The following OR9Q1 variants were observed in gnomAD, a reference collection of about 807,000 sequenced individuals.
OR9Q1 encodes the protein olfactory receptor family 9 subfamily Q member 1.
For missense variants in OR9Q1, 374 were observed against 378.8 expected, an observed-to-expected ratio of 0.99 and a Z score of 0.11; for synonymous variants, 153 against 148.6, an observed-to-expected ratio of 1.03 and a Z score of -0.22.
chr11:58,087,525 A>G (rs1853645124), intron 2 of OR9Q1, among the ~76,000 whole-genome samples: 1 of 151,920 alleles, frequency 6.6e-6, no homozygotes, highest in Non-Finnish European at 1.5e-5. Context: ...ATATTTTGTT[A>G]AATGAAACGA....
At chr11:58,145,294 A>C (rs12577581) in intron 2 of OR9Q1, 1 of 152,332 alleles carries the variant, frequency 6.6e-6, no homozygotes, top group African/African-American at 2.4e-5. Flanking sequence ...GAGGAAGACA[A>C]GATCGTGTCA....
intron 1 of OR9Q1, among the ~76,000 whole-genome samples, chr11:58,032,657 A>T (rs1853054304): frequency 6.6e-6 from 1 of 152,168 alleles, no homozygotes; most frequent in African/African-American, 2.4e-5. Context: ...ACTATAAAAA[A>T]ATCCTGGAAG....
At position 58,179,763 on chromosome 11, in the gene OR9Q1, T is replaced by G. The variant is rs147443245; in HGVS notation, c.319T>G (p.Phe107Val). 6.1e-5 allele frequency: 99 copies of G among 1,614,238 alleles called. No homozygotes were observed. In the African/African-American group the frequency reaches 1.2e-3, roughly 20 times the overall value. Residue 107 changes from phenylalanine (F) to valine (V), a missense_variant, in exon 3 of 3, where the codon TTT becomes GTT. Coordinates refer to ENST00000335397, the MANE Select transcript of OR9Q1 (RefSeq NM_001005212.4). Reference sequence around the variant, plus strand: ...TGCTCAGTTCTTTCTGTTCACCTTCTTTGGTTCCATCGACTGCTACCTCTT... The same window carrying G: ...TGCTCAGTTCTTTCTGTTCACCTTCGTTGGTTCCATCGACTGCTACCTCTT... The part of the protein sequence containing the change: ...CAAQFFLFTF[F>V]GSIDCYLLAL...
At chr11:58,116,312 G>A (rs866741950) in intron 2 of OR9Q1, among the ~76,000 whole-genome samples, 1 of 152,312 alleles carries the variant, frequency 6.6e-6, no homozygotes, top group Middle Eastern at 3.4e-3. Flanking sequence ...AATGCTTCAT[G>A]AACATTCTGT....
intron 1 of OR9Q1, among the ~76,000 whole-genome samples, chr11:58,054,502 A>G (rs1294030551): frequency 2.6e-5 from 4 of 152,204 alleles, no homozygotes; most frequent in Non-Finnish European, 5.9e-5. Context: ...TTTCAACTAC[A>G]ATATAAACAT....
Position 58,115,826 on chromosome 11 carries a change from G to C in OR9Q1, c.-15+59879G>C, listed in dbSNP as rs577567896. On this transcript the variant is annotated intron_variant, in intron 2 of 2. Transcript: ENST00000335397. ...AAAAATCTTTAAAAACAAATACTCA[G>C]GCAATTGCTATCAGACAAAGATAAA... Among the ~76,000 whole-genome samples, 3 of 152,138 alleles carry C rather than the reference G, an allele frequency of 2.0e-5. No individual in the cohort carries two copies. The South Asian group carries it at 6.2e-4, about 32-fold the overall frequency.
At chr11:58,054,785 A>G (rs985090865) in intron 1 of OR9Q1, among the ~76,000 whole-genome samples, 4 of 152,130 alleles carry the variant, frequency 2.6e-5, no homozygotes, top group Non-Finnish European at 5.9e-5. Flanking sequence ...TTCGCCAGGC[A>G]TGGTGGTGCG....
intron 2 of OR9Q1, among the ~76,000 whole-genome samples, chr11:58,132,698 C>T (rs1356227932): frequency 6.6e-5 from 10 of 152,154 alleles, no homozygotes; most frequent in Non-Finnish European, 1.3e-4. Flanking sequence ...AGGTATCTCC[C>T]TCATCCCCAG....
intron 2 of OR9Q1, among the ~76,000 whole-genome samples, chr11:58,176,239 A>T (rs1201278085): frequency 2.7e-5 from 4 of 145,716 alleles, no homozygotes; most frequent in African/African-American, 1.1e-4. Flanking sequence ...AATTAAAGTT[A>T]GATACATCTA....
At chr11:58,109,508 C>T in intron 2 of OR9Q1, 2 of 460,898 alleles carry the variant, frequency 4.3e-6, no homozygotes, top group Non-Finnish European at 8.7e-6. Flanking sequence ...AGTTGGGCAT[C>T]CACTTGGATT....
At chr11:58,149,119 A>G (rs1342629170) in intron 2 of OR9Q1, among the ~76,000 whole-genome samples, 1 of 152,212 alleles carries the variant, frequency 6.6e-6, no homozygotes, top group African/African-American at 2.4e-5. Flanking sequence ...TGATCTTGTA[A>G]TAGAATGAAT....
chr11:58,046,537 T>C (rs1853218296), intron 1 of OR9Q1, among the ~76,000 whole-genome samples: 1 of 152,172 alleles, frequency 6.6e-6, no homozygotes, highest in Non-Finnish European at 1.5e-5. Context: ...GCAGGAGGCA[T>C]GATGATAGTT....
intron 2 of OR9Q1, among the ~76,000 whole-genome samples, chr11:58,151,085 A>G (rs192721080): frequency 1.3e-5 from 2 of 152,134 alleles, no homozygotes; most frequent in African/African-American, 2.4e-5. Context: ...TCATTTTTGT[A>G]TGGGTATGCC....
chr11:58,095,147 T>C (rs1853718221), intron 2 of OR9Q1, among the ~76,000 whole-genome samples: 1 of 152,248 alleles, frequency 6.6e-6, no homozygotes, highest in African/African-American at 2.4e-5. Context: ...GCTTTCAAAC[T>C]ACCCTCTAGA....
intron 2 of OR9Q1, among the ~76,000 whole-genome samples, chr11:58,103,005 T>G (rs1356732568): frequency 6.6e-6 from 1 of 152,044 alleles, no homozygotes; most frequent in East Asian, 1.9e-4. Flanking sequence ...CTCACTTGTT[T>G]ATTTGATTTG....
At chr11:58,030,529 C>A (rs1222423128) in intron 1 of OR9Q1, among the ~76,000 whole-genome samples, 1 of 152,178 alleles carries the variant, frequency 6.6e-6, no homozygotes, top group Non-Finnish European at 1.5e-5. Flanking sequence ...CCATGGTAAA[C>A]TGTCTCTACT....
At chr11:58,078,146 G>A (rs879275069) in intron 2 of OR9Q1, 2 of 152,114 alleles carry the variant, frequency 1.3e-5, no homozygotes, top group African/African-American at 2.4e-5. Context: ...CCTGGGTGAT[G>A]GAATGAGACT....
chr11:58,112,444 A>G (rs1266380831), intron 2 of OR9Q1, among the ~76,000 whole-genome samples: 1 of 152,198 alleles, frequency 6.6e-6, no homozygotes, highest in East Asian at 1.9e-4. Context: ...ACTACCTATT[A>G]GGATTTATGT....
At chr11:58,074,556 G>A (rs562890000) in intron 2 of OR9Q1, among the ~76,000 whole-genome samples, 40 of 150,630 alleles carry the variant, frequency 2.7e-4, no homozygotes, top group Middle Eastern at 6.8e-3. Flanking sequence ...TCTGTAGTTT[G>A]CCTTTTCACT....
Sources: gnomAD v4.1 joint callset for allele counts (sites outside exome capture counted in the v4.1 genomes callset) on GRCh38, gnomAD v4.1.1 for gene constraint, MANE v1.5 for transcripts, NCBI Gene and HGNC (gene_info 2026-07-23, HGNC 2026-07-21) for gene names.